Variants in CCDC112 observed in about 807,000 individuals in gnomAD.
The protein encoded by CCDC112 is coiled-coil domain-containing protein 112.
CCDC112 carries 40 observed loss-of-function variants against 66.3 expected under a neutral mutation model. That is an observed-to-expected ratio of 0.60 (90% CI 0.47 to 0.79). CCDC112 has a LOEUF of 0.79. Ranked by LOEUF, CCDC112 falls within the 30% of genes least tolerant of loss-of-function variation. CCDC112 has a pLI of 0.00. For synonymous variants in CCDC112, 214 were observed against 197.2 expected, an observed-to-expected ratio of 1.09 and a Z score of -0.71; for missense variants, 659 against 603.8, an observed-to-expected ratio of 1.09 and a Z score of -0.96.
chr5:115,296,378 G>GC (rs1750157646), intron 1 of CCDC112, 49 bp downstream of exon 1: 1 of 1,535,942 alleles, frequency 6.5e-7, no homozygotes, highest in African/African-American at 1.4e-5. Flanking sequence ...GCCAGGGCCT[G>GC]CAGCCCCTCG....
intron 3 of CCDC112, among the ~76,000 whole-genome samples, chr5:115,277,714 C>A (rs1403900540): frequency 6.6e-6 from 1 of 152,114 alleles, no homozygotes; most frequent in Admixed American, 6.6e-5. Flanking sequence ...CTCAACGATT[C>A]TTTCAAATTG....
Position 115,267,878 on chromosome 5 carries a change from A to G in CCDC112, c.1588T>C (p.Ter530ArgextTer15). 3 of 1,610,972 alleles carry G rather than the reference A, an allele frequency of 1.9e-6. No homozygotes were observed. The highest frequency in any genetic ancestry group is 1.7e-6 in the Non-Finnish European group (2 of 1,177,274). ...TWRQGIQRRV* is the reference protein window; with the variant it reads ...TWRQGIQRRVR ...AACTGAGTAGCAATTTGATTATCTC[A>G]TACTCTTCTCTGTATTCCTTGTCTC... The change falls in exon 10 of 10, where the codon TGA (stop) becomes CGA (arginine). Residue 530 changes from the stop codon to arginine (R), a stop_lost. Transcript: ENST00000379611.
intron 6 of CCDC112, 147 bp from the exon 7 acceptor site, chr5:115,271,773 A>T: frequency 3.6e-6 from 2 of 561,938 alleles, no homozygotes; most frequent in Non-Finnish European, 5.7e-6. Context: ...TGTTTTAACC[A>T]TTGCAATTTT....
intron 2 of CCDC112, among the ~76,000 whole-genome samples, chr5:115,283,226 A>C (rs1337118290): frequency 6.6e-6 from 1 of 152,048 alleles, no homozygotes; most frequent in Non-Finnish European, 1.5e-5. Context: ...AGGTCTCTAG[A>C]TCTTTTCTAT....
At chr5:115,273,035 C>T (rs1320618026) in intron 6 of CCDC112, among the ~76,000 whole-genome samples, 2 of 152,166 alleles carry the variant, frequency 1.3e-5, no homozygotes, top group East Asian at 1.9e-4. Context: ...TAACAGTTTG[C>T]AAACCCATAT....
At position 115,271,437 on chromosome 5, in the gene CCDC112, A is replaced by G. The variant is rs568043712; in HGVS notation, c.1108T>C (p.Ser370Pro). 120 of 1,609,380 alleles carry G rather than the reference A, an allele frequency of 7.5e-5. No individual in the cohort carries two copies. The highest frequency in any genetic ancestry group is 3.3e-4 in the Middle Eastern group (2 of 6,036). The change falls in exon 7 of 10, where the codon TCA becomes CCA. Residue 370 changes from serine (S) to proline (P), a missense_variant. By Grantham distance (74) the Ser-to-Pro change is moderately conservative (BLOSUM62 -1). Transcript: ENST00000379611. ...TTTAACTGGGAAGCACATTTCATTG[A>G]CATTTCTATACTTTTCTGTTTCTTC... ...AWKKQKSIEM[S>P]MKCASQLKEE...
At chr5:115,293,408 G>C (rs762778710) in intron 1 of CCDC112, among the ~76,000 whole-genome samples, 3 of 152,094 alleles carry the variant, frequency 2.0e-5, no homozygotes, top group Non-Finnish European at 4.4e-5. Flanking sequence ...ACATATATCA[G>C]AACATCACAC....
rs770280451 is a variant in CCDC112 at position 115,275,439 on chromosome 5, T to G, written c.695A>C (p.Glu232Ala). 1.2e-5 allele frequency: 19 copies of G among 1,614,036 alleles called. No homozygotes were observed. The highest frequency in any genetic ancestry group is 1.5e-5 in the Non-Finnish European group (18 of 1,179,942). Reference sequence around the variant, plus strand: ...AAGGAATTTTTCAAAATCTAGTACCTCTTCTGGAAGAGTACTTGGTGTTAC... The same window carrying G: ...AAGGAATTTTTCAAAATCTAGTACCGCTTCTGGAAGAGTACTTGGTGTTAC... ...DKVTPSTLPE[E>A]VLDFEKFLQQ... The change falls in exon 6 of 10, where the codon GAG becomes GCG. Residue 232 changes from glutamate (E) to alanine (A), a missense_variant. By Grantham distance (107) the Glu-to-Ala change is moderately radical. Coordinates refer to ENST00000379611, the MANE Select transcript of CCDC112 (RefSeq NM_001040440.3).
At chr5:115,268,826 T>C in intron 9 of CCDC112, 56 bp downstream of exon 9, 2 of 911,898 alleles carry the variant, frequency 2.2e-6, no homozygotes, top group Non-Finnish European at 3.3e-6. Context: ...GTGCATAAAA[T>C]ATAAACATGC....
chr5:115,295,353 G>C (rs868001334), intron 1 of CCDC112, among the ~76,000 whole-genome samples: 17 of 152,128 alleles, frequency 1.1e-4, no homozygotes, highest in Non-Finnish European at 2.4e-4. Context: ...TTTGAGCATA[G>C]TACTTAAAAA....
At chr5:115,288,678 A>T (rs1441937519) in intron 1 of CCDC112, among the ~76,000 whole-genome samples, 3 of 152,238 alleles carry the variant, frequency 2.0e-5, no homozygotes, top group African/African-American at 7.2e-5. Flanking sequence ...TAGTATTAGA[A>T]GATATAAGAA....
chr5:115,288,074 G>T (rs1466993262), intron 1 of CCDC112, among the ~76,000 whole-genome samples: 1 of 150,842 alleles, frequency 6.6e-6, no homozygotes, highest in Non-Finnish European at 1.5e-5. Flanking sequence ...TCTGCCTCCC[G>T]AGTTCAAGCA....
intron 1 of CCDC112, among the ~76,000 whole-genome samples, chr5:115,295,285 T>C (rs1166570138): frequency 1.3e-5 from 2 of 152,142 alleles, no homozygotes; most frequent in Non-Finnish European, 2.9e-5. Flanking sequence ...GACAGAACAT[T>C]GCTACAAGAA....
At chr5:115,286,208 C>T (rs1395539691) in intron 1 of CCDC112, among the ~76,000 whole-genome samples, 1 of 152,134 alleles carries the variant, frequency 6.6e-6, no homozygotes, top group Non-Finnish European at 1.5e-5. Context: ...TCCCCATTCC[C>T]CTTCCTCCCA....
chr5:115,275,565 T>C lies in CCDC112; in HGVS notation c.569A>G (p.Glu190Gly). Residue 190 changes from glutamate (E) to glycine (G), a missense_variant, in exon 6 of 10, where the codon GAG becomes GGG. Glu to Gly is a moderately conservative substitution (Grantham distance 98, BLOSUM62 -2). Coordinates refer to ENST00000379611, the MANE Select transcript of CCDC112 (RefSeq NM_001040440.3). ...AATTTTTCTTGATATGGCACTCAAC[T>C]CATTATTAGTTGTCTTCTCTTCTTT... ...LIKEEKTTNN[E>G]LSAISRKIDT... is the part of the protein sequence containing the mutation. The C allele has an allele frequency of 6.2e-7, 1 of 1,604,916 alleles. No homozygotes were observed. The highest frequency in any genetic ancestry group is 8.5e-7 in the Non-Finnish European group (1 of 1,174,468).
chr5:115,279,290 G>A (rs1208485886), intron 3 of CCDC112, among the ~76,000 whole-genome samples: 4 of 151,954 alleles, frequency 2.6e-5, no homozygotes. Context: ...ACAATGCCAG[G>A]GTAATGAGCT....
Position 115,296,499 on chromosome 5 carries a change from C to T in CCDC112, c.45G>A (p.Ala15=), listed in dbSNP as rs1450935662. 2.6e-6 allele frequency: 4 copies of T among 1,552,112 alleles called. No individual in the cohort carries two copies. Among genetic ancestry groups the T allele is most frequent in the African/African-American group, 1.4e-5 (1 of 70,474 alleles). Residue 15 remains alanine (A), a synonymous_variant, in exon 1 of 10, where the codon GCG becomes GCA. Coordinates refer to ENST00000379611, the MANE Select transcript of CCDC112 (RefSeq NM_001040440.3). ...CCGCCCCTGCCACAGCCCCGGCTAC[C>T]GCGGTGGCCGCAGCCGCTACCACAA... ...TTVVVAAAAT[A]VAGAVAGAGA... is the part of the protein sequence containing the mutation.
At chr5:115,286,987 A>G (rs1460999943) in intron 1 of CCDC112, among the ~76,000 whole-genome samples, 2 of 152,202 alleles carry the variant, frequency 1.3e-5, no homozygotes, top group Non-Finnish European at 2.9e-5. Context: ...TGGATGTAAA[A>G]GTCCCTTATT....
At position 115,277,113 on chromosome 5, in the gene CCDC112, G is replaced by A. The variant is rs569003091; in HGVS notation, c.362-59C>T. 67 of 992,336 alleles carry A rather than the reference G, an allele frequency of 6.8e-5. No individual in the cohort carries two copies. In the East Asian group the frequency reaches 1.5e-3, roughly 22 times the overall value. 61.5% of individuals were successfully genotyped at this position (992,336 alleles called of 1,614,324 possible). A position where few individuals can be genotyped will look rare whatever the true frequency, so the allele number is the denominator to read the frequency against. On this transcript the variant is annotated intron_variant, in intron 3 of 9. Transcript: ENST00000379611. ...CTGTGACAAATGTGGTTACAATTCA[G>A]GAATCTACATGTAAGACTGATCACT...
Sources: gnomAD v4.1 joint callset for allele counts (sites outside exome capture counted in the v4.1 genomes callset) on GRCh38, gnomAD v4.1.1 for gene constraint, MANE v1.5 for transcripts, NCBI Gene and HGNC (gene_info 2026-07-23, HGNC 2026-07-21) for gene names.